CTNNA2: variants seen among roughly 807,000 people sequenced by gnomAD.
CTNNA2 encodes catenin alpha-2.
In CTNNA2, 42 loss-of-function variants were observed where a neutral mutation model predicts 101.0. The observed-to-expected ratio is 0.42, with a 90% CI of 0.32 to 0.54. The LOEUF is 0.54. CTNNA2 is among the 20% of genes least tolerant of loss of function. CTNNA2 has a pLI of 0.14. For missense variants in CTNNA2, 871 were observed against 1,223.1 expected, an observed-to-expected ratio of 0.71 and a Z score of 4.29; for synonymous variants, 450 against 456.4, an observed-to-expected ratio of 0.99 and a Z score of 0.18.
chr2:79,931,821 T>C (rs992644544), intron 7 of CTNNA2, among the ~76,000 whole-genome samples: 1 of 152,146 alleles, frequency 6.6e-6, no homozygotes, highest in Admixed American at 6.5e-5. Context: ...TTCAGCTTAA[T>C]GCTATACAAG....
At chr2:80,385,756 T>C (rs1374472422) in intron 7 of CTNNA2, among the ~76,000 whole-genome samples, 2 of 152,148 alleles carry the variant, frequency 1.3e-5, no homozygotes, top group Non-Finnish European at 2.9e-5. Flanking sequence ...TTCTTTCAGC[T>C]ATGCTCTTCT....
At chr2:80,138,405 G>A (rs1290192234) in intron 7 of CTNNA2, among the ~76,000 whole-genome samples, 1 of 152,166 alleles carries the variant, frequency 6.6e-6, no homozygotes, top group East Asian at 1.9e-4. Flanking sequence ...TAAATGGAGA[G>A]TATTGTAATA....
intron 9 of CTNNA2, among the ~76,000 whole-genome samples, chr2:80,502,646 C>T (rs1033558944): frequency 5.3e-5 from 8 of 152,192 alleles, no homozygotes; most frequent in African/African-American, 1.7e-4. Flanking sequence ...AGTTAGTGGT[C>T]AGCAGGCTGT....
At chr2:80,157,724 C>T (rs1704069335) in intron 7 of CTNNA2, among the ~76,000 whole-genome samples, 1 of 152,020 alleles carries the variant, frequency 6.6e-6, no homozygotes. Context: ...AAAAAACAGA[C>T]ATGTTTAAAA....
intron 3 of CTNNA2, among the ~76,000 whole-genome samples, chr2:79,371,422 G>T (rs1268335400): frequency 6.6e-6 from 1 of 152,054 alleles, no homozygotes; most frequent in Non-Finnish European, 1.5e-5. Flanking sequence ...GACTCACGAT[G>T]TGGAACCGAC....
At chr2:79,831,632 G>C (rs867700123) in intron 3 of CTNNA2, among the ~76,000 whole-genome samples, 1 of 151,458 alleles carries the variant, frequency 6.6e-6, no homozygotes, top group Non-Finnish European at 1.5e-5. Context: ...TATAAAGATT[G>C]TTGCGAGGTA....
At chr2:80,363,011 A>C (rs986655329) in intron 7 of CTNNA2, among the ~76,000 whole-genome samples, 18 of 151,964 alleles carry the variant, frequency 1.2e-4, no homozygotes, top group African/African-American at 4.3e-4. Context: ...TCTCAAAAAA[A>C]AAAAAAAAAA....
chr2:79,841,893 A>G (rs963284122), intron 3 of CTNNA2, among the ~76,000 whole-genome samples: 2 of 152,236 alleles, frequency 1.3e-5, no homozygotes, highest in Non-Finnish European at 2.9e-5. Context: ...ACTGATTACA[A>G]CATGATATCC....
intron 7 of CTNNA2, among the ~76,000 whole-genome samples, chr2:80,050,814 C>T (rs137912147): frequency 8.3e-4 from 126 of 152,282 alleles, no homozygotes; most frequent in Middle Eastern, 3.4e-3. Context: ...AATCCTCCTG[C>T]CTCAGCTTCA....
At chr2:80,271,424 T>C (rs1558957924) in intron 7 of CTNNA2, among the ~76,000 whole-genome samples, 2 of 150,946 alleles carry the variant, frequency 1.3e-5, no homozygotes, top group Non-Finnish European at 3.0e-5. Flanking sequence ...CCTCAGTCTT[T>C]TTTTTTTTTT....
intron 7 of CTNNA2, among the ~76,000 whole-genome samples, chr2:80,211,457 C>T (rs1707885513): frequency 6.6e-6 from 1 of 152,118 alleles, no homozygotes; most frequent in East Asian, 1.9e-4. Flanking sequence ...TTCCCAGCAC[C>T]ATTTATTAAA....
At chr2:79,749,087 C>G (rs1671835186) in intron 3 of CTNNA2, among the ~76,000 whole-genome samples, 1 of 152,114 alleles carries the variant, frequency 6.6e-6, no homozygotes, top group Non-Finnish European at 1.5e-5. Flanking sequence ...CACCATTTAC[C>G]TAACAACTTT....
At chr2:79,791,713 T>C (rs1444505001) in intron 3 of CTNNA2, among the ~76,000 whole-genome samples, 1 of 152,118 alleles carries the variant, frequency 6.6e-6, no homozygotes, top group Non-Finnish European at 1.5e-5. Flanking sequence ...GAGGACTGGG[T>C]GTTCCACAAA....
intron 7 of CTNNA2, among the ~76,000 whole-genome samples, chr2:79,920,015 G>A (rs1035599921): frequency 5.3e-5 from 8 of 151,634 alleles, no homozygotes; most frequent in African/African-American, 1.2e-4. Context: ...TCAGGAGTTC[G>A]AGACCAGCCT....
intron 7 of CTNNA2, chr2:80,163,115 A>G: frequency 1.3e-6 from 2 of 1,577,088 alleles, no homozygotes; most frequent in South Asian, 1.1e-5. Context: ...TACCATCCTT[A>G]TCTTTTGGAA....
At chr2:79,817,568 T>A (rs72824575) in intron 3 of CTNNA2, among the ~76,000 whole-genome samples, 44,780 of 151,830 alleles carry the variant, frequency 0.29, 8,103 homozygotes, top group African/African-American at 0.51. Context: ...TCTGTCTGTG[T>A]TGGGTTTTCC....
At chr2:80,111,114 G>A (rs953553113) in intron 7 of CTNNA2, among the ~76,000 whole-genome samples, 4 of 152,140 alleles carry the variant, frequency 2.6e-5, no homozygotes, top group Non-Finnish European at 5.9e-5. Flanking sequence ...AAAAACAGGA[G>A]CATGGGGGTA....
At chr2:79,778,917 C>T (rs1558921936) in intron 3 of CTNNA2, among the ~76,000 whole-genome samples, 1 of 152,184 alleles carries the variant, frequency 6.6e-6, no homozygotes, top group East Asian at 1.9e-4. Context: ...TCTTAGTTTG[C>T]AGGCACTATT....
chr2:80,172,572 T>C (rs945597688), intron 7 of CTNNA2, among the ~76,000 whole-genome samples: 6 of 152,322 alleles, frequency 3.9e-5, no homozygotes, highest in East Asian at 1.9e-4. Flanking sequence ...TCAAGCCCAC[T>C]GTATTAGTTT....
Sources: gnomAD v4.1 joint callset for allele counts (sites outside exome capture counted in the v4.1 genomes callset) on GRCh38, gnomAD v4.1.1 for gene constraint, MANE v1.5 for transcripts, NCBI Gene and HGNC (gene_info 2026-07-23, HGNC 2026-07-21) for gene names.